Variants in MVP observed in about 807,000 individuals in gnomAD.
MVP encodes lung resistance-related protein.
A neutral mutation model predicts 83.5 loss-of-function variants in MVP; 62 were observed. That is an observed-to-expected ratio of 0.74 (90% CI 0.61 to 0.92). MVP has a LOEUF of 0.92. Among genes scored for constraint, MVP ranks in the 40% least tolerant of loss-of-function variants. The pLI, the probability that MVP is intolerant of heterozygous loss-of-function variation, is 0.00. For missense variants in MVP, 1,000 were observed against 1,203.4 expected (o/e 0.83, Z 2.50); for synonymous variants, 505 against 504.1 (o/e 1.00, Z -0.02).
In MVP at chr16:29,841,758, C is replaced by T. The variant is rs372484922; in HGVS notation, c.1354C>T (p.Arg452Trp). ...TAKSLQPLAP[R>W]NKTRVVSYRV... Reference sequence around the variant, plus strand: ...TAAGAGCCTCCAGCCCTTGGCGCCCCGGAACAAGACCCGTGTGGTCAGCTA... The same window carrying T: ...TAAGAGCCTCCAGCCCTTGGCGCCCTGGAACAAGACCCGTGTGGTCAGCTA... Residue 452 changes from arginine (R) to tryptophan (W), a missense_variant, in exon 9 of 15, where the codon CGG (arginine) becomes TGG (tryptophan). Transcript: ENST00000357402. This position sits in a 1 kb window ranked among gnomAD's most constrained non-coding sequence, Gnocchi z 4.7. 2.2e-5 allele frequency: 35 copies of T among 1,613,400 alleles called. No individual in the cohort carries two copies. Among genetic ancestry groups the T allele is most frequent in the African/African-American group, 1.2e-4 (9 of 74,898 alleles).
In MVP at chr16:29,830,945, G is replaced by A. The variant is rs2067437033; in HGVS notation, c.193G>A (p.Val65Met). ...PRHYCTVANP[V>M]SRDAQGLVLF... Reference sequence around the variant, plus strand: ...TCACTACTGCACAGTGGCCAACCCTGTGTCTCGGGATGCCCAGGGCTTGGT... The same window carrying A: ...TCACTACTGCACAGTGGCCAACCCTATGTCTCGGGATGCCCAGGGCTTGGT... Residue 65 changes from valine to methionine, a missense_variant, in exon 3 of 15, where the codon GTG becomes ATG. Val to Met is a conservative substitution (Grantham distance 21). Transcript: ENST00000357402. 6.2e-7 allele frequency: 1 copy of A among 1,614,048 alleles called. No homozygotes were observed. The highest frequency in any genetic ancestry group is 2.2e-5 in the East Asian group (1 of 44,868).
chr16:29,845,497 CCTT>C (rs746656135), intron 11 of MVP, among the ~76,000 whole-genome samples: 43 of 152,200 alleles, frequency 2.8e-4, no homozygotes, highest in Non-Finnish European at 5.6e-4. Flanking sequence ...GCAGGCTTCT[CCTT>C]CTGGCTTCAG....
chr16:29,837,606 T>C (rs1443291575), intron 7 of MVP, among the ~76,000 whole-genome samples: 1 of 151,880 alleles, frequency 6.6e-6, no homozygotes, highest in Non-Finnish European at 1.5e-5. Context: ...ATACAAAAAT[T>C]AGCCAGGTGT....
rs779418542 is a variant in MVP, at chr16:29,844,656, C to T, written c.1798C>T (p.Arg600Cys). 7.4e-6 allele frequency: 12 copies of T among 1,614,020 alleles called. No homozygotes were observed. Among genetic ancestry groups the T allele is most frequent in the African/African-American group, 1.3e-5 (1 of 74,956 alleles). ...DFHKNSARII[R>C]TAVFGFETSE... ...CCATAAGAACTCAGCCCGCATCATTCGCACTGCTGTCTTTGGCTTTGAGAC... is the reference window on the plus strand; with the variant it reads ...CCATAAGAACTCAGCCCGCATCATTTGCACTGCTGTCTTTGGCTTTGAGAC... Residue 600 changes from arginine to cysteine, a missense_variant, in exon 11 of 15, where the codon CGC (arginine) becomes TGC (cysteine). By Grantham distance (180) the Arg-to-Cys change is radical. Coordinates refer to ENST00000357402, the MANE Select transcript of MVP (RefSeq NM_005115.5).
intron 1 of MVP, chr16:29,826,004 C>T (rs1177146515): frequency 1.3e-5 from 2 of 152,274 alleles, no homozygotes; most frequent in African/African-American, 4.8e-5. Context: ...GGCAGTAAAG[C>T]CCCTACTTGC....
At chr16:29,838,176 G>A (rs2067503965) in intron 7 of MVP, among the ~76,000 whole-genome samples, 1 of 151,538 alleles carries the variant, frequency 6.6e-6, no homozygotes, top group South Asian at 2.1e-4. Context: ...GCTTACATGT[G>A]TAATCCCAGC....
intron 7 of MVP, among the ~76,000 whole-genome samples, chr16:29,838,990 C>T (rs1441681718): frequency 6.6e-6 from 1 of 152,092 alleles, no homozygotes; most frequent in Admixed American, 6.5e-5. Context: ...AGTTCAAGAC[C>T]AGCCTGGCCA....
intron 7 of MVP, among the ~76,000 whole-genome samples, chr16:29,837,598 A>G (rs1459457451): frequency 1.3e-5 from 2 of 152,154 alleles, no homozygotes; most frequent in East Asian, 3.8e-4. Flanking sequence ...TACTAAAAAT[A>G]CAAAAATTAG....
chr16:29,831,524 A>G (rs2067442212), intron 3 of MVP: 1 of 446,640 alleles, frequency 2.2e-6, no homozygotes, highest in Non-Finnish European at 4.5e-6. Context: ...GCTGGCTCTC[A>G]CCAAGGGTGG....
intron 1 of MVP, among the ~76,000 whole-genome samples, chr16:29,826,933 A>C (rs1263213393): frequency 1.3e-5 from 2 of 151,892 alleles, no homozygotes; most frequent in African/African-American, 4.8e-5. Flanking sequence ...CTCAAAAAAA[A>C]AAAAAAAAAA....
At chr16:29,828,373 A>C (rs1224433706) in intron 1 of MVP, among the ~76,000 whole-genome samples, 1 of 151,702 alleles carries the variant, frequency 6.6e-6, no homozygotes, top group African/African-American at 2.4e-5. Context: ...CTGCTGAGTA[A>C]AAGGGTTTTT....
rs1482299110 is a variant in MVP, at chr16:29,830,680, T to G, written c.125+6T>G. The stretch of plus-strand genomic sequence containing the variant: ...ATCCGGCAGGACAATGAGAGGTGGG[T>G]GTGGGGGCTGGGCTGTGGGGGATCC... On this transcript the variant is annotated splice_donor_region_variant and intron_variant, in intron 2 of 14. Transcript: ENST00000357402. 1.2e-6 allele frequency: 2 copies of G among 1,613,058 alleles called. No homozygotes were observed. The highest frequency in any genetic ancestry group is 2.2e-5 in the East Asian group (1 of 44,858).
intron 7 of MVP, among the ~76,000 whole-genome samples, chr16:29,839,129 A>G (rs146553213): frequency 6.6e-4 from 101 of 152,206 alleles, no homozygotes; most frequent in African/African-American, 2.4e-3. Context: ...CAGTAGTTGC[A>G]GTGAGCCGAG....
chr16:29,822,540 C>T (rs1438408814), intron 1 of MVP: 1 of 151,934 alleles, frequency 6.6e-6, no homozygotes, highest in Non-Finnish European at 1.5e-5. Flanking sequence ...TTTTCCTGAA[C>T]CTGAAGCTGT....
Position 29,846,165 on chromosome 16 carries a change from G to A in MVP, c.2146G>A (p.Val716Met), listed in dbSNP as rs750034799. 6.2e-6 allele frequency: 10 copies of A among 1,610,602 alleles called. No homozygotes were observed. The highest frequency in any genetic ancestry group is 2.2e-5 in the South Asian group (2 of 90,616). ...ACTCTGCCTTCTCCCCAGCATGGCCGTGGAGAGCACCGGGACTGCCAAGGC... is the reference window on the plus strand; with the variant it reads ...ACTCTGCCTTCTCCCCAGCATGGCCATGGAGAGCACCGGGACTGCCAAGGC... ...LLELEALSMA[V>M]ESTGTAKAEA... is the part of the protein sequence containing the mutation. Residue 716 changes from valine (V) to methionine (M), a missense_variant, in exon 13 of 15, where the codon GTG becomes ATG. Coordinates refer to ENST00000357402, the MANE Select transcript of MVP (RefSeq NM_005115.5).
In MVP at chr16:29,842,017, G is replaced by A. The variant is rs578151102; in HGVS notation, c.1539G>A (p.Ala513=). The part of the protein sequence containing the change: ...GRPKRPHARR[A]LCLLLGPDFF... ...CCAAGCGTCCCCATGCCCGCCGTGCGCTCTGCCTGCTGCTGGGGCCTGACT... is the reference window on the plus strand; with the variant it reads ...CCAAGCGTCCCCATGCCCGCCGTGCACTCTGCCTGCTGCTGGGGCCTGACT... Residue 513 remains alanine, a synonymous_variant, in exon 10 of 15, where the codon GCG becomes GCA. Transcript: ENST00000357402. 3.0e-5 allele frequency: 48 copies of A among 1,611,500 alleles called. No individual in the cohort carries two copies. Among genetic ancestry groups the A allele is most frequent in the South Asian group, 1.3e-4 (12 of 91,044 alleles).
rs145238038 is a variant in MVP, at chr16:29,835,781, G to A, written c.655G>A (p.Val219Ile). The A allele has an allele frequency of 7.6e-5, 122 of 1,613,636 alleles. No individual in the cohort carries two copies. Among genetic ancestry groups the A allele is most frequent in the Middle Eastern group, 1.7e-4 (1 of 6,054 alleles). ...FEEVLDLVDA[V>I]ILTEKTALHL... ...GGAGGTTCTGGATTTGGTGGACGCC[G>A]TCATCCTTACGGAAAAGGTTGGTGC... The change falls in exon 6 of 15, where the codon GTC becomes ATC. Residue 219 changes from valine (V) to isoleucine (I), a missense_variant. Coordinates refer to ENST00000357402, the MANE Select transcript of MVP (RefSeq NM_005115.5).
At position 29,847,329 on chromosome 16, in the gene MVP, G is replaced by C; in HGVS notation, c.2398G>C (p.Glu800Gln). 6.2e-7 allele frequency: 1 copy of C among 1,608,092 alleles called. No homozygotes were observed. The highest frequency in any genetic ancestry group is 8.5e-7 in the Non-Finnish European group (1 of 1,177,744). ...GGTGAAGAAGTTCAAGCAGATGACA[G>C]AGGCCATAGGCCCCAGCACCATCAG... ...VEVKKFKQMT[E>Q]AIGPSTIRDL... is the part of the protein sequence containing the mutation. Residue 800 changes from glutamate to glutamine, a missense_variant, in exon 14 of 15, where the codon GAG becomes CAG. Glu to Gln is a conservative substitution (Grantham distance 29). Coordinates refer to ENST00000357402, the MANE Select transcript of MVP (RefSeq NM_005115.5).
chr16:29,836,279 A>T (rs1046861968), intron 6 of MVP, among the ~76,000 whole-genome samples: 1 of 151,686 alleles, frequency 6.6e-6, no homozygotes, highest in African/African-American at 2.4e-5. Context: ...AAAAAAAAAA[A>T]AAAAAACAAA....
Sources: gnomAD v4.1 joint callset for allele counts (sites outside exome capture counted in the v4.1 genomes callset) on GRCh38, gnomAD v4.1.1 for gene constraint, Gnocchi (gnomAD v3.1) non-coding constraint, MANE v1.5 for transcripts, NCBI Gene and HGNC (gene_info 2026-07-23, HGNC 2026-07-21) for gene names.